Variants in SLC17A6 observed in about 807,000 individuals in gnomAD.
SLC17A6 encodes the protein vesicular glutamate transporter 2.
Under a neutral mutation model 67.1 loss-of-function variants are expected in SLC17A6, and 35 were observed. The observed-to-expected ratio is 0.52, with a 90% CI of 0.40 to 0.69. The LOEUF is 0.69. Ranked by LOEUF, SLC17A6 falls within the 30% of genes least tolerant of loss-of-function variation. The pLI is 0.00. For synonymous variants in SLC17A6, 285 were observed against 252.3 expected, an observed-to-expected ratio of 1.13 and a Z score of -1.23; for missense variants, 588 against 723.9, an observed-to-expected ratio of 0.81 and a Z score of 2.15.
intron 2 of SLC17A6, chr11:22,342,885 G>A (rs1229167540): frequency 2.2e-6 from 1 of 460,952 alleles, no homozygotes; most frequent in Non-Finnish European, 4.3e-6. Context: ...TTCGTTAAGT[G>A]GACCCCTGAC....
intron 10 of SLC17A6, 60 bp from the exon 11 acceptor site, chr11:22,376,485 A>G: frequency 6.3e-7 from 1 of 1,596,482 alleles, no homozygotes. Flanking sequence ...GTGGTTCTAT[A>G]GGTATTTACT....
chr11:22,367,265 A>G (rs1321896999), intron 7 of SLC17A6, among the ~76,000 whole-genome samples: 1 of 151,830 alleles, frequency 6.6e-6, no homozygotes, highest in Non-Finnish European at 1.5e-5. Context: ...CCTGTCTTTG[A>G]CATCTCATCA....
At chr11:22,362,263 T>C (rs1856060962) in intron 5 of SLC17A6, 1 of 463,616 alleles carries the variant, frequency 2.2e-6, no homozygotes, top group Non-Finnish European at 4.2e-6. Context: ...GCAATATGCC[T>C]TCAATCATGG....
chr11:22,373,612 G>C (rs531068450), intron 8 of SLC17A6, among the ~76,000 whole-genome samples: 2 of 152,244 alleles, frequency 1.3e-5, no homozygotes, highest in South Asian at 4.1e-4. Context: ...GTGGTGCTCA[G>C]CATAAAGGCT....
intron 4 of SLC17A6, 81 bp from the exon 5 acceptor site, chr11:22,360,816 G>A: frequency 8.5e-7 from 1 of 1,173,214 alleles, no homozygotes; most frequent in Non-Finnish European, 1.2e-6. Flanking sequence ...AAGTCTGAAG[G>A]GCAGGGAGGA....
intron 3 of SLC17A6, among the ~76,000 whole-genome samples, chr11:22,351,692 G>A (rs186985123): frequency 4.5e-4 from 69 of 152,158 alleles, no homozygotes; most frequent in African/African-American, 1.6e-3. Flanking sequence ...TTAGTGCTGG[G>A]CTAGGTAAAT....
chr11:22,369,971 C>A, intron 7 of SLC17A6, 68 bp from the exon 8 acceptor site: 1 of 1,467,514 alleles, frequency 6.8e-7, no homozygotes, highest in South Asian at 1.3e-5. Context: ...ATGCAAAGCA[C>A]CTATTATTCC....
chr11:22,362,394 G>C (rs923741058), intron 5 of SLC17A6: 2 of 352,268 alleles, frequency 5.7e-6, no homozygotes, highest in African/African-American at 4.3e-5. Flanking sequence ...CGCAAGAATA[G>C]ATTTTAGGTG....
At position 22,378,745 on chromosome 11, in the gene SLC17A6, A is replaced by G. The variant is rs1278159543; in HGVS notation, c.*1005A>G. The G allele has an allele frequency of 1.3e-5, 2 of 152,202 alleles. No homozygotes were observed. The highest frequency in any genetic ancestry group is 2.9e-5 in the Non-Finnish European group (2 of 67,948). The allele number at this position is 152,202 out of a possible 1,614,324, so 9.4% of individuals were successfully genotyped here. Reference sequence around the variant, plus strand: ...TATATAATATGAAAAGATTAACTTCATAGAGATATTGTAAGTAGGTAATTT... The same window carrying G: ...TATATAATATGAAAAGATTAACTTCGTAGAGATATTGTAAGTAGGTAATTT... On this transcript the variant is annotated 3_prime_UTR_variant, in exon 12 of 12. Transcript: ENST00000263160.
intron 3 of SLC17A6, among the ~76,000 whole-genome samples, chr11:22,356,360 T>C (rs1315663345): frequency 1.3e-5 from 2 of 152,134 alleles, no homozygotes; most frequent in Non-Finnish European, 2.9e-5. Context: ...AGGCTTTCCA[T>C]TTAGGGCAAG....
At chr11:22,351,232 A>G (rs930041137) in intron 3 of SLC17A6, among the ~76,000 whole-genome samples, 19 of 152,150 alleles carry the variant, frequency 1.2e-4, no homozygotes, top group African/African-American at 4.6e-4. Context: ...TAAGGCAGAC[A>G]TTCTTTCTTT....
At chr11:22,341,216 T>A (rs1052456680) in intron 1 of SLC17A6, among the ~76,000 whole-genome samples, 37 of 152,136 alleles carry the variant, frequency 2.4e-4, no homozygotes, top group African/African-American at 8.7e-4. Flanking sequence ...TGCAAGAAAG[T>A]TAGGCCCAAG....
At chr11:22,355,852 G>A (rs1158209352) in intron 3 of SLC17A6, among the ~76,000 whole-genome samples, 1 of 152,146 alleles carries the variant, frequency 6.6e-6, no homozygotes, top group South Asian at 2.1e-4. Context: ...CCCTACCAAA[G>A]GTTTGTGACT....
chr11:22,351,051 T>C (rs1340645476), intron 3 of SLC17A6, among the ~76,000 whole-genome samples: 2 of 151,974 alleles, frequency 1.3e-5, no homozygotes, highest in East Asian at 1.9e-4. Context: ...TTCTAGAAAA[T>C]GCTTTTTCTA....
At chr11:22,349,918 C>T (rs1050750157) in intron 3 of SLC17A6, among the ~76,000 whole-genome samples, 10 of 152,092 alleles carry the variant, frequency 6.6e-5, no homozygotes, top group African/African-American at 2.2e-4. Context: ...TAGTTCCACA[C>T]CTGAGGTGAG....
chr11:22,341,664 A>G lies in SLC17A6; in HGVS notation c.223A>G (p.Ile75Val). Residue 75 changes from isoleucine to valine, a missense_variant, in exon 2 of 12, where the codon ATC (isoleucine) becomes GTC (valine). Ile to Val is a conservative substitution (Grantham distance 29, BLOSUM62 3). This residue lies in a region of SLC17A6 where 117 missense variants were observed against 98.7 expected (regional missense o/e 1.19). Coordinates refer to ENST00000263160, the MANE Select transcript of SLC17A6 (RefSeq NM_020346.3). ...FGLPRRYIIA[I>V]MSGLGFCISF... is the part of the protein sequence containing the mutation. ...CCTGCCCCGCCGCTACATTATCGCC[A>G]TCATGAGCGGCCTGGGCTTCTGCAT... The G allele has an allele frequency of 3.1e-6, 5 of 1,614,212 alleles. No homozygotes were observed. Among genetic ancestry groups the G allele is most frequent in the Non-Finnish European group, 3.4e-6 (4 of 1,180,040 alleles).
chr11:22,359,206 C>T (rs1320062979), intron 3 of SLC17A6, among the ~76,000 whole-genome samples: 1 of 152,100 alleles, frequency 6.6e-6, no homozygotes, highest in East Asian at 1.9e-4. Flanking sequence ...TTTGAAGCAT[C>T]AAATATAGAA....
At chr11:22,369,700 A>G (rs1354149090) in intron 7 of SLC17A6, among the ~76,000 whole-genome samples, 1 of 151,898 alleles carries the variant, frequency 6.6e-6, no homozygotes, top group Non-Finnish European at 1.5e-5. Flanking sequence ...GATATGGTCT[A>G]TCACCATTAA....
At chr11:22,357,481 C>T (rs1856003954) in intron 3 of SLC17A6, among the ~76,000 whole-genome samples, 1 of 152,118 alleles carries the variant, frequency 6.6e-6, no homozygotes, top group Non-Finnish European at 1.5e-5. Context: ...GTGCTACTGG[C>T]ATCTAGTGAA....
Sources: allele counts gnomAD v4.1 joint callset (sites outside exome capture counted in the v4.1 genomes callset), GRCh38; gene constraint gnomAD v4.1.1; regional missense constraint gnomAD v4.1.1; transcripts MANE v1.5; gene names NCBI Gene and HGNC (gene_info 2026-07-23, HGNC 2026-07-21).